ATP8A2: variants seen among roughly 807,000 people sequenced by gnomAD.
The protein encoded by ATP8A2 is phospholipid-transporting ATPase IB.
In ATP8A2, 100 loss-of-function variants were observed where a neutral mutation model predicts 165.6. The ratio of observed to expected loss-of-function variants is 0.60; its 90% CI spans 0.51 to 0.71. The LOEUF (loss-of-function observed/expected upper bound fraction) is 0.71, where lower values mean the gene tolerates loss of function less well. Ranked by LOEUF, ATP8A2 falls within the 30% of genes least tolerant of loss-of-function variation. The pLI is 0.00. For missense variants in ATP8A2, 1,227 were observed against 1,479.5 expected (o/e 0.83, Z 2.80); for synonymous variants, 543 against 548.8 (o/e 0.99, Z 0.15).
chr13:25,436,755 C>T (rs915429148), intron 1 of ATP8A2, among the ~76,000 whole-genome samples: 9 of 151,544 alleles, frequency 5.9e-5, no homozygotes, highest in Non-Finnish European at 1.3e-4. Flanking sequence ...TTTTCTGCAG[C>T]CTTGCCAACA....
At chr13:25,679,427 A>T (rs1262651490) in intron 24 of ATP8A2, among the ~76,000 whole-genome samples, 3 of 152,172 alleles carry the variant, frequency 2.0e-5, no homozygotes, top group Non-Finnish European at 4.4e-5. Flanking sequence ...AAGGCCAGGG[A>T]TAAACTTTGG....
At chr13:25,501,332 A>T (rs2036847287) in intron 2 of ATP8A2, among the ~76,000 whole-genome samples, 1 of 152,154 alleles carries the variant, frequency 6.6e-6, no homozygotes, top group South Asian at 2.1e-4. Context: ...TGAGAAGGGC[A>T]AGGCGGGATG....
At chr13:25,637,923 A>G (rs2041414294) in intron 24 of ATP8A2, among the ~76,000 whole-genome samples, 1 of 152,184 alleles carries the variant, frequency 6.6e-6, no homozygotes, top group African/African-American at 2.4e-5. Context: ...CAGAGGAATG[A>G]TCAGACAGCA....
chr13:25,685,424 C>A (rs7336913), intron 24 of ATP8A2, among the ~76,000 whole-genome samples: 37,517 of 152,076 alleles, frequency 0.25, 5,005 homozygotes, highest in South Asian at 0.45. Flanking sequence ...GCCAGGAAAT[C>A]CTGGCCCCTG....
At chr13:25,675,790 G>T (rs1009989324) in intron 24 of ATP8A2, among the ~76,000 whole-genome samples, 6 of 152,118 alleles carry the variant, frequency 3.9e-5, no homozygotes, top group African/African-American at 1.4e-4. Context: ...TGACAGGCAG[G>T]CTTGGATGCT....
At chr13:25,452,823 G>A (rs1305099437) in intron 1 of ATP8A2, among the ~76,000 whole-genome samples, 14 of 152,052 alleles carry the variant, frequency 9.2e-5, no homozygotes, top group African/African-American at 2.4e-5. Context: ...AGGCTGGGAG[G>A]ATCGCTCACA....
chr13:25,430,634 G>C (rs150059039), intron 1 of ATP8A2, among the ~76,000 whole-genome samples: 1 of 152,000 alleles, frequency 6.6e-6, no homozygotes, highest in Admixed American at 6.6e-5. Context: ...ACATAGTCTC[G>C]CTCTGTTGCC....
chr13:25,994,452 C>T (rs1173788486), intron 35 of ATP8A2, among the ~76,000 whole-genome samples: 1 of 151,992 alleles, frequency 6.6e-6, no homozygotes, highest in African/African-American at 2.4e-5. Context: ...TGCCTTGTTC[C>T]CAATATTTGG....
intron 24 of ATP8A2, among the ~76,000 whole-genome samples, chr13:25,599,445 T>C (rs745475657): frequency 2.0e-5 from 3 of 152,262 alleles, no homozygotes; most frequent in Non-Finnish European, 2.9e-5. Flanking sequence ...ATCCAGTGTC[T>C]GAAAACAGTG....
chr13:25,554,921 G>T, intron 12 of ATP8A2, 70 bp from the exon 13 acceptor site: 1 of 1,008,500 alleles, frequency 9.9e-7, no homozygotes, highest in East Asian at 2.4e-5. Context: ...CTTCTTTTCT[G>T]TGTTAATCTG....
chr13:25,831,215 T>C (rs1251118457), intron 28 of ATP8A2, among the ~76,000 whole-genome samples: 2 of 111,084 alleles, frequency 1.8e-5, no homozygotes, highest in African/African-American at 3.2e-5. Context: ...AAACTAATTT[T>C]CTTTTTTTTT....
chr13:26,012,687 A>G, intron 36 of ATP8A2, 65 bp downstream of exon 36: 3 of 487,518 alleles, frequency 6.2e-6, no homozygotes, highest in Non-Finnish European at 5.1e-6. Context: ...GTTGATGAGG[A>G]GTTGGGGGAG....
intron 25 of ATP8A2, among the ~76,000 whole-genome samples, chr13:25,707,916 C>T (rs3117864): frequency 0.58 from 88,224 of 152,002 alleles, 26,190 homozygotes; most frequent in African/African-American, 0.67. Context: ...AGTCTAAGAA[C>T]TATGGTAATA....
rs1957118446 is a variant in ATP8A2 at position 26,023,718 on chromosome 13, G to A, written c.*3733G>A. On this transcript the variant is annotated 3_prime_UTR_variant, in exon 37 of 37. Coordinates refer to ENST00000381655, the MANE Select transcript of ATP8A2 (RefSeq NM_016529.6). ...CTGAATTGAATGTTTGCAAAACACT[G>A]CTATAGGATAAGGTGGTCTTTAGTT... 1 of 152,188 alleles carries A rather than the reference G, an allele frequency of 6.6e-6. No individual in the cohort carries two copies. The highest frequency in any genetic ancestry group is 2.4e-5 in the African/African-American group (1 of 41,436). The allele number at this position is 152,188 out of a possible 1,614,324, so 9.4% of individuals were successfully genotyped here. A position where few individuals can be genotyped will look rare whatever the true frequency, so the allele number is the denominator to read the frequency against.
chr13:25,806,812 A>C (rs900805570), intron 27 of ATP8A2, among the ~76,000 whole-genome samples: 3 of 152,266 alleles, frequency 2.0e-5, no homozygotes, highest in African/African-American at 7.2e-5. Flanking sequence ...GCTAGGTTCC[A>C]GTTTCTCCAT....
chr13:25,849,592 A>G (rs1951957244), intron 30 of ATP8A2, among the ~76,000 whole-genome samples: 1 of 152,220 alleles, frequency 6.6e-6, no homozygotes, highest in African/African-American at 2.4e-5. Flanking sequence ...AGATTTTTGC[A>G]GACAACATTT....
At chr13:25,904,703 C>G (rs1953876975) in intron 33 of ATP8A2, among the ~76,000 whole-genome samples, 1 of 152,190 alleles carries the variant, frequency 6.6e-6, no homozygotes, top group Non-Finnish European at 1.5e-5. Context: ...TTCCTCACAT[C>G]TCCCCCCGGT....
intron 35 of ATP8A2, among the ~76,000 whole-genome samples, chr13:25,994,667 T>C (rs1167947830): frequency 6.6e-6 from 1 of 152,148 alleles, no homozygotes; most frequent in Non-Finnish European, 1.5e-5. Flanking sequence ...CTTTAGCCTG[T>C]TAACATGGTA....
chr13:25,389,669 A>G lies in ATP8A2; in HGVS notation c.76+17381A>G, dbSNP rs144620666. On this transcript the variant is annotated intron_variant, in intron 1 of 36. Transcript: ENST00000381655. ...ACTTAGCTGCTTTTTACTCAAATCA[A>G]CAAATATTTGTTGAACATCTTTTGT... Among the ~76,000 whole-genome samples, 12 of 152,372 alleles carry G rather than the reference A, an allele frequency of 7.9e-5. No individual in the cohort carries two copies. In the East Asian group the frequency reaches 1.3e-3, roughly 17 times the overall value.
Sources: allele counts gnomAD v4.1 joint callset (sites outside exome capture counted in the v4.1 genomes callset), GRCh38; gene constraint gnomAD v4.1.1; transcripts MANE v1.5; gene names NCBI Gene and HGNC (gene_info 2026-07-23, HGNC 2026-07-21).